NEB: variants seen among roughly 807,000 people sequenced by gnomAD.
NEB encodes nebulin, also known as nemaline myopathy type 2.
A neutral mutation model predicts 952.2 loss-of-function variants in NEB; 512 were observed. The observed-to-expected ratio is 0.54, with a 90% CI of 0.50 to 0.58. The LOEUF (loss-of-function observed/expected upper bound fraction) is 0.58, where lower values mean the gene tolerates loss of function less well. NEB is among the 20% of genes least tolerant of loss of function. NEB has a pLI of 0.00. For synonymous variants in NEB, 2,900 were observed against 3,149.8 expected, an observed-to-expected ratio of 0.92 and a Z score of 2.66; for missense variants, 8,428 against 9,231.1, an observed-to-expected ratio of 0.91 and a Z score of 3.56.
Position 151,570,069 on chromosome 2 carries a change from C to G in NEB, c.17430+12G>C. 1.3e-6 allele frequency: 2 copies of G among 1,594,998 alleles called. No homozygotes were observed. The highest frequency in any genetic ancestry group is 2.3e-5 in the South Asian group (2 of 87,956). On this transcript the variant is annotated intron_variant, in intron 109 of 181. Coordinates refer to ENST00000397345, the MANE Select transcript of NEB (RefSeq NM_001164508.2). ...TGAGAAAAGAGTTCAACCCCAAATG[C>G]AGCCCACTCACATCGCTCTGCAGTT...
At chr2:151,497,892 C>T (rs561626081) in intron 170 of NEB, 174 bp from the exon 171 acceptor site, 2 of 1,487,056 alleles carry the variant, frequency 1.3e-6, no homozygotes, top group East Asian at 4.9e-5. Context: ...TCTGCACCCT[C>T]TAGAGAAGCA....
Position 151,563,812 on chromosome 2 carries a change from G to A in NEB, c.18579+11C>T, listed in dbSNP as rs567282220. ...ACTCTCAAACTTAGGAGAGGAAAAG[G>A]TCATACTGACCTCACTGTTCACCAG... On this transcript the variant is annotated intron_variant, in intron 118 of 181. Coordinates refer to ENST00000397345, the MANE Select transcript of NEB (RefSeq NM_001164508.2). 2.4e-4 allele frequency: 379 copies of A among 1,612,426 alleles called. 5 individuals are homozygous for A. In the South Asian group the frequency reaches 4.0e-3, roughly 17 times the overall value.
intron 151 of NEB, 38 bp from the exon 152 acceptor site, chr2:151,524,654 CTTTTTTTTTTTTTTTTTTTTT>C: frequency 3.9e-6 from 1 of 255,202 alleles, no homozygotes; most frequent in Non-Finnish European, 6.8e-6. Context: ...AAGAGAGAGG[CTTTTTTTTTTTTTTTTTTTTT>C]TTTTTTTTTG....
At position 151,698,088 on chromosome 2, in the gene NEB, A is replaced by G. The variant is rs139290927; in HGVS notation, c.1153-440T>C. Among the ~76,000 whole-genome samples, 580 of 152,174 alleles carry G rather than the reference A, an allele frequency of 3.8e-3. 11 individuals carry two copies. The East Asian group carries it at 0.057, about 15-fold the overall frequency. ...CTCAAAACAAAACAAAACAAAACAA[A>G]ACAAAACAAAAAGAAAAAAACCTGA... On this transcript the variant is annotated intron_variant, in intron 13 of 181. Coordinates refer to ENST00000397345, the MANE Select transcript of NEB (RefSeq NM_001164508.2).
chr2:151,492,631 A>G, intron 176 of NEB, 137 bp from the exon 177 acceptor site: 1 of 504,184 alleles, frequency 2.0e-6, no homozygotes, highest in Non-Finnish European at 3.4e-6. Flanking sequence ...ACACATGACC[A>G]ATTTTGGAAC....
intron 66 of NEB, 109 bp from the exon 67 acceptor site, chr2:151,630,928 G>A: frequency 2.5e-6 from 3 of 1,182,768 alleles, no homozygotes; most frequent in Non-Finnish European, 3.5e-6. Context: ...AGCCAGACTT[G>A]AATATAAAGT....
chr2:151,636,209 A>G lies in NEB; in HGVS notation c.9102+18T>C. ...ACATTAGATTGATCACATACTCAGA[A>G]TGGAATTGACAACTCACGTCACTGA... On this transcript the variant is annotated intron_variant, in intron 64 of 181. Coordinates refer to ENST00000397345, the MANE Select transcript of NEB (RefSeq NM_001164508.2). 6.3e-7 allele frequency: 1 copy of G among 1,587,592 alleles called. No individual in the cohort carries two copies. Among genetic ancestry groups the G allele is most frequent in the South Asian group, 1.1e-5 (1 of 90,424 alleles).
chr2:151,637,788 A>T (rs2098790809), intron 63 of NEB, among the ~76,000 whole-genome samples: 2 of 152,256 alleles, frequency 1.3e-5, no homozygotes, highest in South Asian at 4.1e-4. Context: ...CTAATAATTC[A>T]GTCCTTTCTG....
chr2:151,574,530 G>T (rs772031313), intron 107 of NEB, among the ~76,000 whole-genome samples: 4 of 152,070 alleles, frequency 2.6e-5, no homozygotes, highest in Non-Finnish European at 5.9e-5. Context: ...ATTGGATTTT[G>T]TCAGATGCCA....
intron 165 of NEB, among the ~76,000 whole-genome samples, chr2:151,504,147 A>G (rs1006714574): frequency 1.3e-5 from 2 of 152,170 alleles, no homozygotes; most frequent in African/African-American, 4.8e-5. Context: ...TTTTCAGCCT[A>G]AAGGACTGAA....
At chr2:151,616,159 G>A in intron 75 of NEB, 50 bp from the exon 76 acceptor site, 2 of 1,261,792 alleles carry the variant, frequency 1.6e-6, no homozygotes, top group South Asian at 1.3e-5. Flanking sequence ...AAAAAGTGAA[G>A]CTGTTCATTA....
At chr2:151,732,382 A>G (rs539264436) in intron 3 of NEB, among the ~76,000 whole-genome samples, 1 of 152,348 alleles carries the variant, frequency 6.6e-6, no homozygotes, top group Non-Finnish European at 1.5e-5. Context: ...TATAAAATAA[A>G]TGATTAACAG....
At chr2:151,679,648 G>T in intron 32 of NEB, 73 bp downstream of exon 32, 1 of 964,312 alleles carries the variant, frequency 1.0e-6, no homozygotes. Flanking sequence ...GGAGACTTTT[G>T]GGTCATCGTC....
chr2:151,678,986 G>A (rs1249040814), intron 32 of NEB, among the ~76,000 whole-genome samples: 1 of 152,140 alleles, frequency 6.6e-6, no homozygotes, highest in Non-Finnish European at 1.5e-5. Flanking sequence ...AAGTCAAAAG[G>A]AAGGGGCTGT....
chr2:151,536,660 A>T (rs937989040), intron 141 of NEB, among the ~76,000 whole-genome samples: 3 of 152,152 alleles, frequency 2.0e-5, no homozygotes, highest in Non-Finnish European at 2.9e-5. Flanking sequence ...TGTTTTATTT[A>T]CTATCTGGCA....
chr2:151,492,880 G>A (rs3771900), intron 176 of NEB: 115,527 of 177,786 alleles, frequency 0.65, 38,066 homozygotes, highest in East Asian at 0.77. Flanking sequence ...TCCTTAGGTT[G>A]TGTCCAGACT....
At chr2:151,719,412 A>G (rs1204904661) in intron 9 of NEB, among the ~76,000 whole-genome samples, 1 of 152,220 alleles carries the variant, frequency 6.6e-6, no homozygotes, top group African/African-American at 2.4e-5. Context: ...GCAGTTGAAT[A>G]ATCCCAAGGT....
intron 4 of NEB, among the ~76,000 whole-genome samples, chr2:151,729,317 G>T (rs572020755): frequency 6.6e-6 from 1 of 152,276 alleles, no homozygotes; most frequent in African/African-American, 2.4e-5. Flanking sequence ...GTTGGAGAAT[G>T]GTGATAGCCA....
chr2:151,493,950 A>T, intron 174 of NEB, 83 bp from the exon 175 acceptor site: 1 of 1,005,138 alleles, frequency 9.9e-7, no homozygotes, highest in Non-Finnish European at 1.5e-6. Context: ...GGGAAATGTT[A>T]TGTTTAATCT....
Sources: gnomAD v4.1 joint callset for allele counts (sites outside exome capture counted in the v4.1 genomes callset) on GRCh38, gnomAD v4.1.1 for gene constraint, MANE v1.5 for transcripts, NCBI Gene and HGNC (gene_info 2026-07-23, HGNC 2026-07-21) for gene names.